Variants in HERC3 observed in about 807,000 individuals in gnomAD.
HERC3 encodes the protein probable E3 ubiquitin-protein ligase HERC3.
In HERC3, 58 loss-of-function variants were observed where a neutral mutation model predicts 129.9. That is an observed-to-expected ratio of 0.45 (90% CI 0.36 to 0.56). The LOEUF (loss-of-function observed/expected upper bound fraction) is 0.56, where lower values mean the gene tolerates loss of function less well. HERC3 is among the 20% of genes least tolerant of loss of function. The pLI is 0.00. For missense variants in HERC3, 835 were observed against 1,244.2 expected (o/e 0.67, Z 4.95); for synonymous variants, 430 against 451.0 (o/e 0.95, Z 0.59).
intron 7 of HERC3, among the ~76,000 whole-genome samples, chr4:88,654,401 T>C (rs954032797): frequency 5.1e-5 from 7 of 136,444 alleles, no homozygotes; most frequent in African/African-American, 7.9e-5. Context: ...CACACACACA[T>C]AATGTAGATT....
chr4:88,698,139 C>T (rs1434350935), intron 23 of HERC3, among the ~76,000 whole-genome samples: 2 of 152,120 alleles, frequency 1.3e-5, no homozygotes, highest in South Asian at 4.1e-4. Flanking sequence ...TCCGTGTGCT[C>T]CTCACCCCCA....
chr4:88,593,946 A>G (rs1046143159), intron 1 of HERC3, among the ~76,000 whole-genome samples: 5 of 152,220 alleles, frequency 3.3e-5, no homozygotes, highest in Non-Finnish European at 7.3e-5. Flanking sequence ...GCATATCCTA[A>G]AGCAAAATAA....
intron 2 of HERC3, among the ~76,000 whole-genome samples, chr4:88,600,181 G>A (rs947013209): frequency 2.6e-5 from 4 of 152,012 alleles, no homozygotes; most frequent in Non-Finnish European, 5.9e-5. Context: ...TATCAGTCAG[G>A]AGTTTCTTTT....
chr4:88,586,930 G>A, the HERC3 span, among the ~76,000 whole-genome samples: 1 of 152,262 alleles, frequency 6.6e-6, no homozygotes, highest in South Asian at 2.1e-4. Context: ...AAAAATGCAA[G>A]CAATAAGATT....
chr4:88,528,160 TG>T, the HERC3 span: 1 of 215,230 alleles, frequency 4.6e-6, no homozygotes, highest in South Asian at 7.5e-5. Flanking sequence ...AGTCAGGCCC[TG>T]GGGGTGTGAC....
chr4:88,625,748 T>C (rs906377015), intron 3 of HERC3, among the ~76,000 whole-genome samples: 12 of 152,228 alleles, frequency 7.9e-5, no homozygotes, highest in African/African-American at 2.7e-4. Flanking sequence ...TAGGAAAGCA[T>C]TCATCTTTCA....
At chr4:88,655,697 G>A (rs1729815292) in intron 8 of HERC3, among the ~76,000 whole-genome samples, 178 bp from the exon 9 acceptor site, 1 of 152,182 alleles carries the variant, frequency 6.6e-6, no homozygotes, top group Non-Finnish European at 1.5e-5. Context: ...TCATGATCTA[G>A]AGTGTTAGAG....
At position 88,707,020 on chromosome 4, in the gene HERC3, C is replaced by A. The variant is rs1298532500; in HGVS notation, c.*60C>A. ...CTCAGTGTCCACATTGAGGCCTATACAGAAAATCATGGGGAGTGATTTCTA... is the reference window on the plus strand; with the variant it reads ...CTCAGTGTCCACATTGAGGCCTATAAAGAAAATCATGGGGAGTGATTTCTA... On this transcript the variant is annotated 3_prime_UTR_variant, in exon 26 of 26. Coordinates refer to ENST00000402738, the MANE Select transcript of HERC3 (RefSeq NM_014606.3). 7 of 1,327,620 alleles carry A rather than the reference C, an allele frequency of 5.3e-6. No individual in the cohort carries two copies. Among genetic ancestry groups the A allele is most frequent in the South Asian group, 1.2e-5 (1 of 83,534 alleles). The allele number at this position is 1,327,620 out of a possible 1,614,324, so 82.2% of individuals were successfully genotyped here.
At chr4:88,618,119 C>T (rs1725122993) in intron 3 of HERC3, among the ~76,000 whole-genome samples, 1 of 152,196 alleles carries the variant, frequency 6.6e-6, no homozygotes, top group Admixed American at 6.5e-5. Flanking sequence ...TCTCCTTTCC[C>T]TTCAGATGAG....
At chr4:88,551,628 GA>G in the HERC3 span, among the ~76,000 whole-genome samples, 2 of 152,022 alleles carry the variant, frequency 1.3e-5, no homozygotes, top group African/African-American at 4.8e-5. Context: ...AAAAAGTCAG[GA>G]AAAAACAGGT....
the HERC3 span, among the ~76,000 whole-genome samples, chr4:88,552,007 C>T: frequency 6.6e-6 from 1 of 151,842 alleles, no homozygotes; most frequent in South Asian, 2.1e-4. Flanking sequence ...AATTGGAAAT[C>T]ATCATTCTCA....
chr4:88,623,536 ACTCT>A (rs1409541701), intron 3 of HERC3, among the ~76,000 whole-genome samples: 1 of 151,912 alleles, frequency 6.6e-6, no homozygotes, highest in Admixed American at 6.6e-5. Flanking sequence ...GCCTTTCCTA[ACTCT>A]CTCTGTCTCC....
At chr4:88,540,903 G>T in the HERC3 span, among the ~76,000 whole-genome samples, 1 of 152,160 alleles carries the variant, frequency 6.6e-6, no homozygotes, top group Non-Finnish European at 1.5e-5. Flanking sequence ...GAGAGATTTT[G>T]TCCCCACCAG....
At chr4:88,693,045 C>T (rs1734236857) in intron 23 of HERC3, 1 of 975,234 alleles carries the variant, frequency 1.0e-6, no homozygotes, top group Non-Finnish European at 1.2e-6. Flanking sequence ...TAGGTGAAGA[C>T]AATGCTTATA....
At chr4:88,697,871 A>G (rs1275880515) in intron 23 of HERC3, 7 of 1,414,660 alleles carry the variant, frequency 4.9e-6, no homozygotes, top group Middle Eastern at 2.6e-4. Flanking sequence ...CGCGGGAATG[A>G]CGTTGGCCGC....
At position 88,614,822 on chromosome 4, in the gene HERC3, T is replaced by G. The variant is rs146962214; in HGVS notation, c.226+8773T>G. 3.9e-3 allele frequency among the ~76,000 whole-genome samples: 591 copies of G among 152,290 alleles called. 8 individuals are homozygous for G. Among genetic ancestry groups the G allele is most frequent in the African/African-American group, 0.014 (565 of 41,556 alleles). On this transcript the variant is annotated intron_variant, in intron 3 of 25. Coordinates refer to ENST00000402738, the MANE Select transcript of HERC3 (RefSeq NM_014606.3). The stretch of plus-strand genomic sequence containing the variant: ...TAAATACTCTTACAACACAACAAAT[T>G]AGTGCAGATCCCACCCTTTGGGCAT...
chr4:88,667,487 AG>A lies in HERC3; in HGVS notation c.1443+1del. ...TCTCAGCACTCCATGATTCTAGAACAGGTATGTTTCTATATTTGTAAAGTGC... is the reference window on the plus strand; with the variant it reads ...TCTCAGCACTCCATGATTCTAGAACAGTATGTTTCTATATTTGTAAAGTGC... ...MNSQHSMILE[Q>X]ILNSFESCLI... On this transcript the variant is annotated frameshift_variant and splice_region_variant, in exon 13 of 26. Coordinates refer to ENST00000402738, the MANE Select transcript of HERC3 (RefSeq NM_014606.3). LOFTEE classifies it high-confidence loss of function. 1 of 1,524,098 alleles carries A rather than the reference AG, an allele frequency of 6.6e-7. No individual in the cohort carries two copies. Among genetic ancestry groups the A allele is most frequent in the African/African-American group, 1.4e-5 (1 of 72,260 alleles). 94.4% of individuals were successfully genotyped at this position (1,524,098 alleles called of 1,614,324 possible). A position where few individuals can be genotyped will look rare whatever the true frequency, so the allele number is the denominator to read the frequency against.
chr4:88,531,096 G>A, the HERC3 span, among the ~76,000 whole-genome samples: 8 of 152,188 alleles, frequency 5.3e-5, no homozygotes, highest in East Asian at 1.9e-4. Context: ...GGCCTCAGGC[G>A]ATCTGCCCTC....
At chr4:88,690,877 G>T (rs1163221813) in intron 23 of HERC3, among the ~76,000 whole-genome samples, 7 of 152,264 alleles carry the variant, frequency 4.6e-5, no homozygotes, top group South Asian at 4.1e-4. Context: ...ACAGTTGTGG[G>T]AGAAACTGCA....
Sources: allele counts gnomAD v4.1 joint callset (sites outside exome capture counted in the v4.1 genomes callset), GRCh38; gene constraint gnomAD v4.1.1; transcripts MANE v1.5; gene names NCBI Gene and HGNC (gene_info 2026-07-23, HGNC 2026-07-21).